Variants in ATP13A5 observed in about 807,000 individuals in gnomAD.
ATP13A5 encodes ATPase 13A5.
ATP13A5 carries 149 observed loss-of-function variants against 150.2 expected under a neutral mutation model. That is an observed-to-expected ratio of 0.99 (90% CI 0.87 to 1.14). The LOEUF (loss-of-function observed/expected upper bound fraction) is 1.14. Ranked by LOEUF, ATP13A5 falls within the 50% of genes most tolerant of loss-of-function variation. The probability of loss-of-function intolerance (pLI) is 0.00; values close to 1 mark genes in which losing one functional copy is unlikely to be tolerated. For synonymous variants in ATP13A5, 497 were observed against 522.2 expected (o/e 0.95, Z 0.66); for missense variants, 1,383 against 1,449.3 (o/e 0.95, Z 0.74).
intron 10 of ATP13A5, 78 bp downstream of exon 10, chr3:193,334,850 AT>A: frequency 7.2e-7 from 1 of 1,397,922 alleles, no homozygotes; most frequent in African/African-American, 1.4e-5. Context: ...AGACTCCATA[AT>A]CCTAAACTAA....
At chr3:193,332,513 T>A (rs550458507) in intron 11 of ATP13A5, among the ~76,000 whole-genome samples, 3 of 152,344 alleles carry the variant, frequency 2.0e-5, no homozygotes, top group African/African-American at 7.2e-5. Context: ...CTCTAGAACC[T>A]CACCTATGTT....
At chr3:193,343,073 T>C (rs758206196) in intron 9 of ATP13A5, among the ~76,000 whole-genome samples, 1 of 152,202 alleles carries the variant, frequency 6.6e-6, no homozygotes, top group African/African-American at 2.4e-5. Context: ...AAAATCTGCT[T>C]GTGTTGAACA....
At chr3:193,364,387 C>T (rs897482518) in intron 1 of ATP13A5, 107 bp from the exon 2 acceptor site, 2 of 1,379,786 alleles carry the variant, frequency 1.4e-6, no homozygotes, top group Non-Finnish European at 2.0e-6. Flanking sequence ...GGCTGGGAGA[C>T]AAATCTGGTT....
At chr3:193,330,333 A>G (rs1034439347) in intron 12 of ATP13A5, among the ~76,000 whole-genome samples, 16 of 152,214 alleles carry the variant, frequency 1.1e-4, no homozygotes, top group Non-Finnish European at 1.9e-4. Flanking sequence ...ATGACTCATT[A>G]TGGGACTCTC....
At chr3:193,325,509 A>T (rs1329805500) in intron 13 of ATP13A5, among the ~76,000 whole-genome samples, 2 of 152,216 alleles carry the variant, frequency 1.3e-5, no homozygotes, top group Non-Finnish European at 2.9e-5. Flanking sequence ...AAGCCAGCCC[A>T]CATAATGGCA....
chr3:193,289,282 G>C (rs981869816), intron 26 of ATP13A5, among the ~76,000 whole-genome samples: 12 of 152,072 alleles, frequency 7.9e-5, no homozygotes, highest in Admixed American at 6.6e-4. Flanking sequence ...AAAGAGACTT[G>C]TCCTGATTCT....
intron 24 of ATP13A5, 66 bp from the exon 25 acceptor site, chr3:193,299,269 A>G (rs1341466347): frequency 1.5e-6 from 2 of 1,313,208 alleles, no homozygotes; most frequent in African/African-American, 1.5e-5. Flanking sequence ...ATTATTCCCT[A>G]CACTCTTTTT....
chr3:193,332,049 G>T (rs568084095), intron 11 of ATP13A5, among the ~76,000 whole-genome samples: 1 of 152,080 alleles, frequency 6.6e-6, no homozygotes, highest in African/African-American at 2.4e-5. Context: ...GCTGTGTCCC[G>T]ACCCAAATCT....
chr3:193,299,293 G>T, intron 24 of ATP13A5, 90 bp from the exon 25 acceptor site: 1 of 964,786 alleles, frequency 1.0e-6, no homozygotes, highest in East Asian at 2.7e-5. Flanking sequence ...TCGTTAGGAG[G>T]CAGCTGTTAC....
intron 23 of ATP13A5, among the ~76,000 whole-genome samples, chr3:193,304,016 T>C (rs371985768): frequency 6.6e-6 from 1 of 151,974 alleles, no homozygotes; most frequent in African/African-American, 2.4e-5. Context: ...TGAGTTGTAT[T>C]GACAATGGAA....
intron 20 of ATP13A5, among the ~76,000 whole-genome samples, chr3:193,311,042 G>C (rs1718825712): frequency 6.6e-6 from 1 of 152,194 alleles, no homozygotes; most frequent in Admixed American, 6.5e-5. Context: ...GTTCTTTCCT[G>C]ATAGACACCA....
At chr3:193,351,837 C>T (rs1016568571) in intron 6 of ATP13A5, among the ~76,000 whole-genome samples, 2 of 152,204 alleles carry the variant, frequency 1.3e-5, no homozygotes, top group Non-Finnish European at 2.9e-5. Context: ...GAAAGCTGGT[C>T]ACTCATACAT....
chr3:193,328,143 T>C (rs1382423027), intron 12 of ATP13A5, among the ~76,000 whole-genome samples: 2 of 152,230 alleles, frequency 1.3e-5, no homozygotes, highest in Non-Finnish European at 2.9e-5. Context: ...TAGTGGCCTG[T>C]AGGTTGGAGA....
chr3:193,370,752 A>T (rs1448178480), intron 1 of ATP13A5, among the ~76,000 whole-genome samples: 1 of 152,218 alleles, frequency 6.6e-6, no homozygotes, highest in African/African-American at 2.4e-5. Flanking sequence ...GTGTTATTTA[A>T]TTCTCACCAC....
intron 25 of ATP13A5, among the ~76,000 whole-genome samples, chr3:193,293,628 C>T (rs974972981): frequency 2.0e-5 from 3 of 152,002 alleles, no homozygotes; most frequent in Non-Finnish European, 2.9e-5. Flanking sequence ...TTGGCTATCT[C>T]GTAGTTGTGT....
At chr3:193,305,499 C>T (rs767971570) in intron 23 of ATP13A5, 60 bp downstream of exon 23, 14 of 1,318,898 alleles carry the variant, frequency 1.1e-5, no homozygotes, top group Non-Finnish European at 1.4e-5. Flanking sequence ...TGAATTCTGT[C>T]TGCAGAGCCA....
At chr3:193,314,295 A>G (rs1718965401) in intron 18 of ATP13A5, 102 bp from the exon 19 acceptor site, 1 of 1,303,018 alleles carries the variant, frequency 7.7e-7, no homozygotes, top group Non-Finnish European at 1.1e-6. Context: ...CTTTGAGAGC[A>G]TTTACCGCTT....
chr3:193,278,355 C>T (rs568517985), intron 28 of ATP13A5, among the ~76,000 whole-genome samples: 61 of 152,326 alleles, frequency 4.0e-4, no homozygotes, highest in African/African-American at 1.4e-3. Context: ...GCTTCATTCA[C>T]TCCATGTTGC....
intron 21 of ATP13A5, among the ~76,000 whole-genome samples, chr3:193,308,647 C>T (rs143905895): frequency 4.5e-4 from 68 of 152,244 alleles, no homozygotes; most frequent in African/African-American, 1.5e-3. Context: ...TTATCATCTT[C>T]TAGTATTCCC....
Sources: allele counts gnomAD v4.1 joint callset (sites outside exome capture counted in the v4.1 genomes callset), GRCh38; gene constraint gnomAD v4.1.1; transcripts MANE v1.5; gene names NCBI Gene and HGNC (gene_info 2026-07-23, HGNC 2026-07-21).